The following C14orf132 variants were observed in gnomAD, a reference collection of about 807,000 sequenced individuals.
C14orf132 encodes chromosome 14 open reading frame 132.
A neutral mutation model predicts 5.8 loss-of-function variants in C14orf132; 6 were observed. The observed-to-expected ratio is 1.03, with a 90% CI of 0.57 to 2.04. C14orf132 has a LOEUF of 2.04. C14orf132 is among the 30% of genes most tolerant of loss of function. C14orf132 has a pLI of 0.00. For synonymous variants in C14orf132, 51 were observed against 49.8 expected, an observed-to-expected ratio of 1.02 and a Z score of -0.10; for missense variants, 125 against 115.8, an observed-to-expected ratio of 1.08 and a Z score of -0.37.
At chr14:96,080,972 T>A (rs1449339432) in intron 1 of C14orf132, among the ~76,000 whole-genome samples, 2 of 152,126 alleles carry the variant, frequency 1.3e-5, no homozygotes, top group African/African-American at 4.8e-5. Context: ...TACCAAAAAA[T>A]AACAGACACT....
chr14:96,053,854 A>G (rs1355009382), intron 1 of C14orf132, among the ~76,000 whole-genome samples: 1 of 151,950 alleles, frequency 6.6e-6, no homozygotes, highest in African/African-American at 2.4e-5. Flanking sequence ...GGGAGGGAGC[A>G]CTCCAGGGAG....
intron 1 of C14orf132, among the ~76,000 whole-genome samples, chr14:96,062,491 G>C (rs558198852): frequency 6.6e-6 from 1 of 152,242 alleles, no homozygotes; most frequent in East Asian, 1.9e-4. Flanking sequence ...TTTTGCAAAA[G>C]CTGACATGGA....
chr14:96,065,190 G>C (rs1235982607), intron 1 of C14orf132, among the ~76,000 whole-genome samples: 1 of 152,134 alleles, frequency 6.6e-6, no homozygotes, highest in Non-Finnish European at 1.5e-5. Context: ...GGCCACCTCT[G>C]TGCCTTCCTC....
In C14orf132 at chr14:96,080,132, C is replaced by T. The variant is rs192000355; in HGVS notation, c.28-6379C>T. ...TGCCACACAGACTCTCACTTTAGGCCCGTCTATAACTGACTTCAGCCTTCT... is the reference window on the plus strand; with the variant it reads ...TGCCACACAGACTCTCACTTTAGGCTCGTCTATAACTGACTTCAGCCTTCT... On this transcript the variant is annotated intron_variant, in intron 1 of 1. Coordinates refer to ENST00000555004, the MANE Select transcript of C14orf132 (RefSeq NM_001252507.3). 1.2e-4 allele frequency among the ~76,000 whole-genome samples: 19 copies of T among 152,250 alleles called. No individual in the cohort carries two copies. The East Asian group carries it at 3.7e-3, about 29-fold the overall frequency.
At position 96,063,981 on chromosome 14, in the gene C14orf132, A is replaced by T. The variant is rs1206956331; in HGVS notation, c.28-22530A>T. Among the ~76,000 whole-genome samples, 4 of 152,198 alleles carry T rather than the reference A, an allele frequency of 2.6e-5. No homozygotes were observed. The East Asian group carries it at 7.7e-4, about 29-fold the overall frequency. On this transcript the variant is annotated intron_variant, in intron 1 of 1. Coordinates refer to ENST00000555004, the MANE Select transcript of C14orf132 (RefSeq NM_001252507.3). The stretch of plus-strand genomic sequence containing the variant: ...ACAAACATATGAAAAAATGCTCAAC[A>T]TCACTAATCATCAGGGAAATGCAAA...
chr14:96,057,434 T>C (rs1454111847), intron 1 of C14orf132, among the ~76,000 whole-genome samples: 2 of 152,210 alleles, frequency 1.3e-5, no homozygotes, highest in African/African-American at 2.4e-5. Context: ...AATTGCCTAG[T>C]CTGTGGGATT....
chr14:96,041,187 A>C (rs1886685318), intron 1 of C14orf132, among the ~76,000 whole-genome samples: 2 of 152,226 alleles, frequency 1.3e-5, no homozygotes, highest in African/African-American at 4.8e-5. Flanking sequence ...CAAGGAACAG[A>C]AACATGAAGT....
intron 1 of C14orf132, among the ~76,000 whole-genome samples, chr14:96,084,406 T>C (rs902458107): frequency 6.6e-6 from 1 of 152,178 alleles, no homozygotes; most frequent in African/African-American, 2.4e-5. Context: ...TGGCTTTACC[T>C]TAGCCTGGAG....
At chr14:96,078,160 C>A (rs1488715810) in intron 1 of C14orf132, among the ~76,000 whole-genome samples, 1 of 152,206 alleles carries the variant, frequency 6.6e-6, no homozygotes, top group Non-Finnish European at 1.5e-5. Context: ...TCAAGGGAGC[C>A]CCCACACTCT....
chr14:96,045,492 G>A (rs1321216262), intron 1 of C14orf132, among the ~76,000 whole-genome samples: 2 of 152,178 alleles, frequency 1.3e-5, no homozygotes. Flanking sequence ...AACCAGCCAG[G>A]TGACCTCATG....
chr14:96,073,536 A>T (rs1887773082), intron 1 of C14orf132, among the ~76,000 whole-genome samples: 1 of 152,254 alleles, frequency 6.6e-6, no homozygotes, highest in Non-Finnish European at 1.5e-5. Context: ...AAGAAACAAC[A>T]GATGCTGGAA....
intron 1 of C14orf132, among the ~76,000 whole-genome samples, chr14:96,069,096 T>C (rs1392953937): frequency 6.6e-6 from 1 of 151,066 alleles, no homozygotes; most frequent in Non-Finnish European, 1.5e-5. Context: ...AGTCTCCAGC[T>C]TGCCGGTGAC....
intron 1 of C14orf132, among the ~76,000 whole-genome samples, chr14:96,081,812 C>T (rs1272688111): frequency 6.6e-6 from 1 of 152,150 alleles, no homozygotes; most frequent in African/African-American, 2.4e-5. Context: ...GTTACCCGGA[C>T]TGATCTTGAA....
intron 1 of C14orf132, chr14:96,040,225 C>T (rs1209662497): frequency 2.6e-6 from 1 of 387,632 alleles, no homozygotes; most frequent in Non-Finnish European, 4.6e-6. Context: ...CCCTGGAGTT[C>T]TGAGCTTGGG....
chr14:96,055,678 C>T (rs1313330157), intron 1 of C14orf132, among the ~76,000 whole-genome samples: 2 of 152,170 alleles, frequency 1.3e-5, no homozygotes, highest in African/African-American at 4.8e-5. Context: ...TCCAGAAGTT[C>T]TGTAAGGGAC....
chr14:96,083,459 AG>A (rs1271171329), intron 1 of C14orf132, among the ~76,000 whole-genome samples: 4 of 152,340 alleles, frequency 2.6e-5, no homozygotes, highest in Non-Finnish European at 5.9e-5. Context: ...GGTGTGATTA[AG>A]TTAAGGATTT....
chr14:96,048,559 C>T (rs943748581), intron 1 of C14orf132, among the ~76,000 whole-genome samples: 4 of 152,054 alleles, frequency 2.6e-5, no homozygotes, highest in African/African-American at 9.7e-5. Flanking sequence ...GAGTTTCACT[C>T]TGTTGCCCTG....
intron 1 of C14orf132, among the ~76,000 whole-genome samples, chr14:96,080,550 G>A (rs1011724753): frequency 4.6e-5 from 7 of 152,178 alleles, no homozygotes; most frequent in Admixed American, 2.0e-4. Context: ...TGATAACCAC[G>A]CTTTGAAGAT....
chr14:96,050,773 C>T (rs1049564092), intron 1 of C14orf132, among the ~76,000 whole-genome samples: 3 of 152,220 alleles, frequency 2.0e-5, no homozygotes, highest in Admixed American at 2.0e-4. Context: ...TTGCCAATTT[C>T]CCATCTCTCG....
Sources: gnomAD v4.1 joint callset for allele counts (sites outside exome capture counted in the v4.1 genomes callset) on GRCh38, gnomAD v4.1.1 for gene constraint, MANE v1.5 for transcripts, NCBI Gene and HGNC (gene_info 2026-07-23, HGNC 2026-07-21) for gene names.